The following ABCG4 variants were observed in gnomAD, a reference collection of about 807,000 sequenced individuals.
ABCG4 encodes the protein ATP binding cassette subfamily G member 4.
In ABCG4, 35 loss-of-function variants were observed where a neutral mutation model predicts 64.6. That is an observed-to-expected ratio of 0.54 (90% confidence interval 0.41 to 0.72). The LOEUF (loss-of-function observed/expected upper bound fraction) is 0.72. Ranked by LOEUF, ABCG4 falls within the 30% of genes least tolerant of loss-of-function variation. ABCG4 has a pLI of 0.00. For synonymous variants in ABCG4, 326 were observed against 348.2 expected (o/e 0.94, Z 0.71); for missense variants, 610 against 846.3 (o/e 0.72, Z 3.46).
rs1948259214 is a variant in ABCG4 at position 119,156,006 on chromosome 11, A to T, written c.687-323A>T. On this transcript the variant is annotated intron_variant, in intron 6 of 14. Transcript: ENST00000619701. The surrounding 1 kb of genome is among the most constrained non-coding windows in gnomAD (Gnocchi z 5.5). ...GCCCCCTCTTTCACCCAGTGTTGCT[A>T]CAGCACTTTCCACATTACCCAAAAT... The T allele has an allele frequency of 3.1e-6, 1 of 318,612 alleles. No homozygotes were observed. 19.7% of individuals were successfully genotyped at this position (318,612 alleles called of 1,614,324 possible).
In ABCG4 at chr11:119,160,138, T is replaced by C; in HGVS notation, c.1438-89T>C. The C allele has an allele frequency of 6.9e-7, 1 of 1,444,798 alleles. No homozygotes were observed. Among genetic ancestry groups the C allele is most frequent in the Non-Finnish European group, 9.4e-7 (1 of 1,062,596 alleles). The allele number at this position is 1,444,798 out of a possible 1,614,324, so 89.5% of individuals were successfully genotyped here. A position where few individuals can be genotyped will look rare whatever the true frequency, so the allele number is the denominator to read the frequency against. On this transcript the variant is annotated intron_variant, in intron 12 of 14. Coordinates refer to ENST00000619701, the MANE Select transcript of ABCG4 (RefSeq NM_022169.5). The surrounding 1 kb of genome is among the most constrained non-coding windows in gnomAD (Gnocchi z 4.6). ...GGATGGACACCCTGGGAATAGGTAT[T>C]CTAGAGGCCCAGCCTTGGGTGGAGT...
In ABCG4 at chr11:119,150,630, C is replaced by T. The variant is rs193197911; in HGVS notation, c.238+427C>T. Among the ~76,000 whole-genome samples, 4 of 152,166 alleles carry T rather than the reference C, an allele frequency of 2.6e-5. No homozygotes were observed. Among genetic ancestry groups the T allele is most frequent in the Admixed American group, 2.0e-4 (3 of 15,282 alleles). On this transcript the variant is annotated intron_variant, in intron 2 of 14. Transcript: ENST00000619701. This position sits in a 1 kb window ranked among gnomAD's most constrained non-coding sequence, Gnocchi z 4.3. ...TTCCTGTCATCTTATTCCATTCTTACCACAGTGCTCAGAAGCAGGGAGGGT... is the reference window on the plus strand; with the variant it reads ...TTCCTGTCATCTTATTCCATTCTTATCACAGTGCTCAGAAGCAGGGAGGGT...
At position 119,160,483 on chromosome 11, in the gene ABCG4, C is replaced by G; in HGVS notation, c.1597-55C>G. 2 of 1,608,088 alleles carry G rather than the reference C, an allele frequency of 1.2e-6. No homozygotes were observed. The highest frequency in any genetic ancestry group is 2.2e-5 in the South Asian group (2 of 91,006). ...GGGTTAGGGTGGAGCTCTAGGAAAC[C>G]TGGGTTTGTCCTGGTCACCCCTATG... On this transcript the variant is annotated intron_variant, in intron 13 of 14. Transcript: ENST00000619701. The surrounding 1 kb of genome is among the most constrained non-coding windows in gnomAD (Gnocchi z 4.6).
chr11:119,154,634 G>C lies in ABCG4; in HGVS notation c.540+59G>C. 6.2e-7 allele frequency: 1 copy of C among 1,603,670 alleles called. No homozygotes were observed. Among genetic ancestry groups the C allele is most frequent in the South Asian group, 1.1e-5 (1 of 90,244 alleles). ...CTTTTGTGGTGCTGCTGAGCTCAAG[G>C]CCCCGAGCTGGGAGTGGGAGAGTGG... On this transcript the variant is annotated intron_variant, in intron 5 of 14. Transcript: ENST00000619701. This position sits in a 1 kb window ranked among gnomAD's most constrained non-coding sequence, Gnocchi z 7.0.
Position 119,156,908 on chromosome 11 carries a change from A to G in ABCG4, c.962A>G (p.Asn321Ser), listed in dbSNP as rs138271208. 1.1e-4 allele frequency: 170 copies of G among 1,613,432 alleles called. 1 individual carries two copies. The Middle Eastern group carries it at 2.5e-3, about 23-fold the overall frequency. The change falls in exon 9 of 15, where the codon AAC becomes AGC. Residue 321 changes from asparagine (N) to serine (S), a missense_variant. Coordinates refer to ENST00000619701, the MANE Select transcript of ABCG4 (RefSeq NM_022169.5). This position sits in a 1 kb window ranked among gnomAD's most constrained non-coding sequence, Gnocchi z 5.5. ...EVASGEYGDL[N>S]PMLFRAVQNG... ...GCCTCTGGCGAGTATGGAGACCTGAACCCCATGTTGTTCAGGGCTGTGCAG... is the reference window on the plus strand; with the variant it reads ...GCCTCTGGCGAGTATGGAGACCTGAGCCCCATGTTGTTCAGGGCTGTGCAG...
Position 119,156,811 on chromosome 11 carries a change from C to G in ABCG4, c.926-61C>G. ...CCTTCCCCACACACCCAAGGCGGGA[C>G]TGACTTGCCCTTGGGAAGTGAGTGT... On this transcript the variant is annotated intron_variant, in intron 8 of 14. Transcript: ENST00000619701. The surrounding 1 kb of genome is among the most constrained non-coding windows in gnomAD (Gnocchi z 5.5). 6.3e-7 allele frequency: 1 copy of G among 1,589,632 alleles called. No individual in the cohort carries two copies. Among genetic ancestry groups the G allele is most frequent in the Non-Finnish European group, 8.6e-7 (1 of 1,164,244 alleles).
chr11:119,154,704 G>C lies in ABCG4; in HGVS notation c.541-66G>C. 1 of 1,585,760 alleles carries C rather than the reference G, an allele frequency of 6.3e-7. No individual in the cohort carries two copies. ...GCACTTAAGGGAGATGCTTTTTGAAGCTGGGGTGGTGCCTGGGGGAAGCAG... is the reference window on the plus strand; with the variant it reads ...GCACTTAAGGGAGATGCTTTTTGAACCTGGGGTGGTGCCTGGGGGAAGCAG... On this transcript the variant is annotated intron_variant, in intron 5 of 14. Coordinates refer to ENST00000619701, the MANE Select transcript of ABCG4 (RefSeq NM_022169.5). This position sits in a 1 kb window ranked among gnomAD's most constrained non-coding sequence, Gnocchi z 7.0.
rs1389117981 is a variant in ABCG4, at chr11:119,156,477, G to A, written c.810+25G>A. The A allele has an allele frequency of 1.2e-6, 2 of 1,614,078 alleles. No homozygotes were observed. The highest frequency in any genetic ancestry group is 1.7e-6 in the Non-Finnish European group (2 of 1,180,038). On this transcript the variant is annotated intron_variant, in intron 7 of 14. Transcript: ENST00000619701. This position sits in a 1 kb window ranked among gnomAD's most constrained non-coding sequence, Gnocchi z 5.5. ...GGTGAGTGTCTCCAGGCCTCAAGGA[G>A]GATTGGCCTGAGATGGAGGGATGGA...
At chr11:119,157,880 A>C (rs1472277758) in intron 9 of ABCG4, among the ~76,000 whole-genome samples, 2 of 152,184 alleles carry the variant, frequency 1.3e-5, no homozygotes, top group Admixed American at 1.3e-4. Flanking sequence ...ACAAAACAAA[A>C]CAAAACAAAA....
In ABCG4 at chr11:119,154,510, C is replaced by T. The variant is rs780705912; in HGVS notation, c.490-15C>T. The T allele has an allele frequency of 2.5e-6, 4 of 1,614,046 alleles. No individual in the cohort carries two copies. The South Asian group carries it at 3.3e-5, about 13-fold the overall frequency. Reference sequence around the variant, plus strand: ...CTCCCACACATACTTTTCTTGCTTACTCTCTGGGCCCCAGGTCTCTGCTAA... The same window carrying T: ...CTCCCACACATACTTTTCTTGCTTATTCTCTGGGCCCCAGGTCTCTGCTAA... On this transcript the variant is annotated splice_polypyrimidine_tract_variant and intron_variant, in intron 4 of 14. Transcript: ENST00000619701. The surrounding 1 kb of genome is among the most constrained non-coding windows in gnomAD (Gnocchi z 7.0).
At position 119,154,208 on chromosome 11, in the gene ABCG4, G is replaced by A. The variant is rs1052078166; in HGVS notation, c.357-52G>A. The A allele has an allele frequency of 1.2e-5, 20 of 1,613,288 alleles. No individual in the cohort carries two copies. The highest frequency in any genetic ancestry group is 1.7e-5 in the Non-Finnish European group (20 of 1,179,232). On this transcript the variant is annotated intron_variant, in intron 3 of 14. Transcript: ENST00000619701. This position sits in a 1 kb window ranked among gnomAD's most constrained non-coding sequence, Gnocchi z 7.0. ...GAAGAAGTATCCCTTGGGGAACACA[G>A]AAGGTATTCTGAAAGGGCATTGACC...
Position 119,149,699 on chromosome 11 carries a change from T to G in ABCG4, c.-12-255T>G. On this transcript the variant is annotated intron_variant, in intron 1 of 14. Transcript: ENST00000619701. This position sits in a 1 kb window ranked among gnomAD's most constrained non-coding sequence, Gnocchi z 8.3. ...CTGCTGGCCTGCGGGGTAAGGAGATTAGAGAAGCCGCCGGGAGGAAGGAGC... is the reference window on the plus strand; with the variant it reads ...CTGCTGGCCTGCGGGGTAAGGAGATGAGAGAAGCCGCCGGGAGGAAGGAGC... 1 of 558,442 alleles carries G rather than the reference T, an allele frequency of 1.8e-6. No homozygotes were observed. The highest frequency in any genetic ancestry group is 3.1e-6 in the Non-Finnish European group (1 of 318,182). The allele number at this position is 558,442 out of a possible 1,614,324, so 34.6% of individuals were successfully genotyped here.
In ABCG4 at chr11:119,154,380, G is replaced by A. The variant is rs1367612611; in HGVS notation, c.477G>A (p.Leu159=). Reference sequence around the variant, plus strand: ...TGCTGCTGCCGCACCTCACGGTGTTGGAAGCCATGATGGTGAGGGCTGGAT... The same window carrying A: ...TGCTGCTGCCGCACCTCACGGTGTTAGAAGCCATGATGGTGAGGGCTGGAT... ...DDMLLPHLTV[L]EAMMVSANLK... The change falls in exon 4 of 15, where the codon TTG becomes TTA. Residue 159 remains leucine (L), a synonymous_variant. Coordinates refer to ENST00000619701, the MANE Select transcript of ABCG4 (RefSeq NM_022169.5). The surrounding 1 kb of genome is among the most constrained non-coding windows in gnomAD (Gnocchi z 7.0). The A allele has an allele frequency of 1.2e-6, 2 of 1,614,186 alleles. No homozygotes were observed. The highest frequency in any genetic ancestry group is 1.1e-5 in the South Asian group (1 of 91,080).
rs1304407852 is a variant in ABCG4, at chr11:119,161,154, G to A, written c.*48G>A. The A allele has an allele frequency of 1.9e-6, 3 of 1,561,540 alleles. No homozygotes were observed. The highest frequency in any genetic ancestry group is 1.7e-6 in the Non-Finnish European group (2 of 1,143,720). On this transcript the variant is annotated 3_prime_UTR_variant, in exon 15 of 15. Transcript: ENST00000619701. Reference sequence around the variant, plus strand: ...CAGCCCCTGCAGCAGGAAGCCCCCAGTCCCAGCCCTTTGGGACTGTTTTAA... The same window carrying A: ...CAGCCCCTGCAGCAGGAAGCCCCCAATCCCAGCCCTTTGGGACTGTTTTAA...
At position 119,149,692 on chromosome 11, in the gene ABCG4, A is replaced by C; in HGVS notation, c.-12-262A>C. The C allele has an allele frequency of 1.9e-6, 1 of 520,630 alleles. No homozygotes were observed. The highest frequency in any genetic ancestry group is 3.4e-6 in the Non-Finnish European group (1 of 291,920). 32.3% of individuals were successfully genotyped at this position (520,630 alleles called of 1,614,324 possible). A position where few individuals can be genotyped will look rare whatever the true frequency, so the allele number is the denominator to read the frequency against. ...CCAGGGGCTGCTGGCCTGCGGGGTA[A>C]GGAGATTAGAGAAGCCGCCGGGAGG... On this transcript the variant is annotated intron_variant, in intron 1 of 14. Transcript: ENST00000619701. This position sits in a 1 kb window ranked among gnomAD's most constrained non-coding sequence, Gnocchi z 8.3.
At position 119,154,079 on chromosome 11, in the gene ABCG4, A is replaced by T; in HGVS notation, c.292A>T (p.Ile98Phe). 1 of 1,614,192 alleles carries T rather than the reference A, an allele frequency of 6.2e-7. No individual in the cohort carries two copies. Among genetic ancestry groups the T allele is most frequent in the East Asian group, 2.2e-5 (1 of 44,888 alleles). ...AGGTAAATTCTGCCGCCGGGAGCTG[A>T]TTGGCATCATGGGCCCCTCAGGGGC... ...LSGKFCRREL[I>F]GIMGPSGAGK... The change falls in exon 3 of 15, where the codon ATT (isoleucine) becomes TTT (phenylalanine). Residue 98 changes from isoleucine to phenylalanine, a missense_variant. Physicochemically the swap from Ile to Phe is conservative, Grantham distance 21. Transcript: ENST00000619701. This position sits in a 1 kb window ranked among gnomAD's most constrained non-coding sequence, Gnocchi z 7.0.
Position 119,160,904 on chromosome 11 carries a change from T to TGACGATCTA in ABCG4, c.1740_1748dup (p.Ile582_Tyr583insTer), listed in dbSNP as rs763753494. The TGACGATCTA allele has an allele frequency of 6.2e-7, 1 of 1,613,998 alleles. No individual in the cohort carries two copies. ...AGGTATGGCTTTGAGGGTGTGATCC[T>TGACGATCTA]GACGATCTATGGCATGGAGCGAGGA... On this transcript the variant is annotated stop_gained and inframe_insertion, in exon 15 of 15. Transcript: ENST00000619701. LOFTEE classifies it high-confidence loss of function. The surrounding 1 kb of genome is among the most constrained non-coding windows in gnomAD (Gnocchi z 4.6).
intron 2 of ABCG4, among the ~76,000 whole-genome samples, chr11:119,151,549 C>T (rs188878383): frequency 2.0e-5 from 3 of 152,318 alleles, no homozygotes; most frequent in Non-Finnish European, 4.4e-5. Flanking sequence ...AGAGTTCTAC[C>T]TTTCCCAAGT....
chr11:119,154,134 C>A lies in ABCG4; in HGVS notation c.347C>A (p.Ala116Glu). ...AGKSTFMNIL[A>E]GYRESGMKGQ... ...AAGTCTACATTCATGAACATCTTGG[C>A]AGGATACAGGTAAGGAAGAGACTGG... The change falls in exon 3 of 15, where the codon GCA becomes GAA. Residue 116 changes from alanine (A) to glutamate (E), a missense_variant. Transcript: ENST00000619701. The surrounding 1 kb of genome is among the most constrained non-coding windows in gnomAD (Gnocchi z 7.0). 6.2e-7 allele frequency: 1 copy of A among 1,614,078 alleles called. No homozygotes were observed. Among genetic ancestry groups the A allele is most frequent in the Non-Finnish European group, 8.5e-7 (1 of 1,179,982 alleles).
Sources: gnomAD v4.1 joint callset for allele counts (sites outside exome capture counted in the v4.1 genomes callset) on GRCh38, gnomAD v4.1.1 for gene constraint, Gnocchi (gnomAD v3.1) non-coding constraint, MANE v1.5 for transcripts, NCBI Gene and HGNC (gene_info 2026-07-23, HGNC 2026-07-21) for gene names.